PREP: variants seen among roughly 807,000 people sequenced by gnomAD.
PREP encodes prolyl endopeptidase.
PREP carries 29 observed loss-of-function variants against 87.6 expected under a neutral mutation model. The observed-to-expected ratio is 0.33, with a 90% CI of 0.25 to 0.45. PREP has a LOEUF of 0.45. Among genes scored for constraint, PREP ranks in the 20% least tolerant of loss-of-function variants. The pLI is 1.00. For missense variants in PREP, 695 were observed against 886.5 expected (o/e 0.78, Z 2.74); for synonymous variants, 337 against 328.6 (o/e 1.03, Z -0.28).
At chr6:105,288,994 A>G in intron 10 of PREP, 100 bp from the exon 11 acceptor site, 1 of 1,227,308 alleles carries the variant, frequency 8.1e-7, no homozygotes, top group Non-Finnish European at 1.1e-6. Context: ...CATGATGTAC[A>G]GTAGCACAGT....
intron 2 of PREP, among the ~76,000 whole-genome samples, chr6:105,379,691 G>A (rs1562223679): frequency 6.6e-6 from 1 of 152,184 alleles, no homozygotes; most frequent in Non-Finnish European, 1.5e-5. Context: ...GGGCTGTGCT[G>A]GGTAGGAACA....
chr6:105,300,591 A>T (rs1476234815), intron 10 of PREP, among the ~76,000 whole-genome samples: 3 of 152,066 alleles, frequency 2.0e-5, no homozygotes, highest in Non-Finnish European at 4.4e-5. Flanking sequence ...ACAGATAAGA[A>T]CTCACAGATC....
intron 14 of PREP, among the ~76,000 whole-genome samples, chr6:105,279,457 TTAA>T (rs769771243): frequency 2.0e-5 from 3 of 152,244 alleles, no homozygotes; most frequent in African/African-American, 7.2e-5. Context: ...ACCCTGCCTG[TTAA>T]TAATAACAAT....
At chr6:105,367,584 A>G (rs1207264312) in intron 6 of PREP, among the ~76,000 whole-genome samples, 1 of 151,026 alleles carries the variant, frequency 6.6e-6, no homozygotes, top group African/African-American at 2.4e-5. Flanking sequence ...AGGCAGGAGA[A>G]TGGCGTGAAC....
chr6:105,363,993 A>T (rs2114697292), intron 6 of PREP, among the ~76,000 whole-genome samples: 1 of 152,332 alleles, frequency 6.6e-6, no homozygotes, highest in Non-Finnish European at 1.5e-5. Flanking sequence ...CATTGCAAGC[A>T]GCCAAGAGAG....
chr6:105,331,242 C>T (rs1406962676), intron 8 of PREP, among the ~76,000 whole-genome samples: 1 of 152,142 alleles, frequency 6.6e-6, no homozygotes, highest in Non-Finnish European at 1.5e-5. Context: ...CTAGTGAACA[C>T]TGAAGGTTTC....
chr6:105,371,795 A>G (rs1196710069), intron 5 of PREP, among the ~76,000 whole-genome samples: 1 of 152,044 alleles, frequency 6.6e-6, no homozygotes, highest in Non-Finnish European at 1.5e-5. Flanking sequence ...ACAGTCTGAG[A>G]GGCTACTGAG....
intron 1 of PREP, 110 bp from the exon 2 acceptor site, chr6:105,398,037 T>C (rs1410119919): frequency 1.2e-6 from 1 of 817,372 alleles, no homozygotes; most frequent in East Asian, 2.7e-5. Flanking sequence ...AAATGCTAAT[T>C]GGCTCACTGG....
chr6:105,276,522 C>A lies in PREP; in HGVS notation c.*1622G>T, dbSNP rs926396019. On this transcript the variant is annotated 3_prime_UTR_variant, in exon 15 of 15. Coordinates refer to ENST00000652536, the MANE Select transcript of PREP (RefSeq NM_002726.5). Reference sequence around the variant, plus strand: ...TTGACCATGCAAATGTATTTTCTTTCTTTCCTGCCATGCTGGTCAGCAGTT... The same window carrying A: ...TTGACCATGCAAATGTATTTTCTTTATTTCCTGCCATGCTGGTCAGCAGTT... Among the ~76,000 whole-genome samples the A allele has an allele frequency of 5.3e-5, 8 of 152,208 alleles. No individual in the cohort carries two copies. The highest frequency in any genetic ancestry group is 1.9e-4 in the African/African-American group (8 of 41,458).
chr6:105,400,340 G>A (rs1205284624), intron 1 of PREP, among the ~76,000 whole-genome samples: 3 of 152,076 alleles, frequency 2.0e-5, no homozygotes, highest in South Asian at 2.1e-4. Context: ...GTGCAGACTC[G>A]TACACACAGC....
rs576331002 is a variant in PREP, at chr6:105,339,163, C to T, written c.824-5658G>A. 6.6e-5 allele frequency among the ~76,000 whole-genome samples: 10 copies of T among 152,276 alleles called. No individual in the cohort carries two copies. The East Asian group carries it at 1.5e-3, about 24-fold the overall frequency. ...GGGGCTGATTGACACCTCATAAGGC[C>T]GGGTGCCCCTCTGAGATGAAGCTTC... On this transcript the variant is annotated intron_variant, in intron 7 of 14. Transcript: ENST00000652536.
Position 105,377,369 on chromosome 6 carries a change from A to G in PREP, c.254+17T>C, listed in dbSNP as rs200803136. The G allele has an allele frequency of 2.5e-6, 4 of 1,579,448 alleles. No homozygotes were observed. The South Asian group carries it at 4.7e-5, about 19-fold the overall frequency. On this transcript the variant is annotated intron_variant, in intron 3 of 14. Transcript: ENST00000652536. ...TACTTTGAAAATAAAAAGGAAATTC[A>G]GTAAAAGCAGTCTCACCGTTTTCCT...
At chr6:105,373,298 A>G in intron 5 of PREP, 71 bp downstream of exon 5, 1 of 1,485,598 alleles carries the variant, frequency 6.7e-7, no homozygotes, top group Non-Finnish European at 9.4e-7. Flanking sequence ...AGGGTTCAGC[A>G]TCTCTTTTCA....
Position 105,303,595 on chromosome 6 carries a change from C to G in PREP, c.1318-14701G>C, listed in dbSNP as rs544205136. ...CCCTCCCCTATCCAATGCAGACACC[C>G]ACAAAGCTACATCTCAGGCAGGTTC... On this transcript the variant is annotated intron_variant, in intron 10 of 14. Transcript: ENST00000652536. Among the ~76,000 whole-genome samples the G allele has an allele frequency of 2.4e-4, 36 of 152,098 alleles. 1 individual carries two copies. Among genetic ancestry groups the G allele is most frequent in the Admixed American group, 4.6e-4 (7 of 15,280 alleles).
chr6:105,281,588 A>AT, intron 14 of PREP, 158 bp downstream of exon 14: 1 of 893,938 alleles, frequency 1.1e-6, no homozygotes, highest in Non-Finnish European at 1.6e-6. Context: ...ACCATATTAA[A>AT]TCAAGAAAGA....
chr6:105,315,565 G>C (rs142940328), intron 10 of PREP, among the ~76,000 whole-genome samples: 2 of 152,166 alleles, frequency 1.3e-5, no homozygotes, highest in Non-Finnish European at 2.9e-5. Context: ...GCCCCTAATA[G>C]AATCAACCTG....
At chr6:105,333,285 C>G in intron 8 of PREP, 29 bp downstream of exon 8, 1 of 1,590,928 alleles carries the variant, frequency 6.3e-7, no homozygotes, top group Non-Finnish European at 8.6e-7. Flanking sequence ...AAAACAAGAG[C>G]ACAATTTTCA....
chr6:105,334,705 ACT>A lies in PREP; in HGVS notation c.824-1202_824-1201del, dbSNP rs1281391828. 2.8e-5 allele frequency among the ~76,000 whole-genome samples: 3 copies of A among 108,242 alleles called. No homozygotes were observed. The East Asian group carries it at 7.3e-4, about 26-fold the overall frequency. 71.0% of individuals were successfully genotyped at this position (108,242 alleles called of 152,430 possible). ...TTCACTCCAGCCTGAGCAGAGTGAG[ACT>A]CTGTCTCAACAACAACAACAACAAC... On this transcript the variant is annotated intron_variant, in intron 7 of 14. Transcript: ENST00000652536.
intron 7 of PREP, among the ~76,000 whole-genome samples, chr6:105,335,775 C>T (rs948803897): frequency 1.2e-4 from 19 of 152,174 alleles, no homozygotes; most frequent in African/African-American, 4.3e-4. Flanking sequence ...CGCCTGTAAT[C>T]CCAGCTACTC....
Sources: allele counts gnomAD v4.1 joint callset (sites outside exome capture counted in the v4.1 genomes callset), GRCh38; gene constraint gnomAD v4.1.1; transcripts MANE v1.5; gene names NCBI Gene and HGNC (gene_info 2026-07-23, HGNC 2026-07-21).